The following RAB31 variants were observed in gnomAD, a reference collection of about 807,000 sequenced individuals.
The protein encoded by RAB31 is ras-related protein Rab-31.
RAB31 carries 21 observed loss-of-function variants against 25.6 expected under a neutral mutation model. The observed-to-expected ratio is 0.82, with a 90% CI of 0.58 to 1.18. RAB31 has a LOEUF of 1.18. Among genes scored for constraint, RAB31 ranks in the 50% most tolerant of loss-of-function variants. The probability of loss-of-function intolerance (pLI) is 0.00; values close to 1 mark genes in which losing one functional copy is unlikely to be tolerated. For missense variants in RAB31, 196 were observed against 250.1 expected, an observed-to-expected ratio of 0.78 and a Z score of 1.46; for synonymous variants, 87 against 84.0, an observed-to-expected ratio of 1.04 and a Z score of -0.20.
intron 3 of RAB31, among the ~76,000 whole-genome samples, chr18:9,793,038 GCA>G (rs2068469222): frequency 3.9e-5 from 6 of 152,198 alleles, no homozygotes. Context: ...ACGAATACTA[GCA>G]CAGTGTCTAT....
intron 1 of RAB31, among the ~76,000 whole-genome samples, chr18:9,748,237 C>T (rs1458523558): frequency 1.3e-5 from 2 of 152,086 alleles, no homozygotes; most frequent in Non-Finnish European, 2.9e-5. Flanking sequence ...TGGCTCAAGC[C>T]TGTAATCTCA....
rs952265201 is a variant in RAB31, at chr18:9,779,732, T to C, written c.119+4375T>C. 2.6e-5 allele frequency among the ~76,000 whole-genome samples: 4 copies of C among 152,184 alleles called. No homozygotes were observed. In the East Asian group the frequency reaches 7.7e-4, roughly 29 times the overall value. On this transcript the variant is annotated intron_variant, in intron 2 of 6. Coordinates refer to ENST00000578921, the MANE Select transcript of RAB31 (RefSeq NM_006868.4). The stretch of plus-strand genomic sequence containing the variant: ...TCACAACCCTTACCTCACCCCTCCT[T>C]TGGGCTTAAGCCAAGCTGGTTGGGT...
intron 1 of RAB31, among the ~76,000 whole-genome samples, chr18:9,727,329 T>G (rs2068100472): frequency 6.6e-6 from 1 of 152,216 alleles, no homozygotes; most frequent in East Asian, 1.9e-4. Flanking sequence ...TGCTTTGTTT[T>G]GTTTAGAGAC....
intron 2 of RAB31, among the ~76,000 whole-genome samples, chr18:9,784,028 G>T (rs1407572039): frequency 6.6e-6 from 1 of 152,030 alleles, no homozygotes; most frequent in Non-Finnish European, 1.5e-5. Flanking sequence ...GCTTATTTAT[G>T]TATTTTTATA....
intron 5 of RAB31, among the ~76,000 whole-genome samples, chr18:9,834,190 C>T (rs962749759): frequency 8.7e-4 from 132 of 152,194 alleles, no homozygotes; most frequent in African/African-American, 3.1e-3. Flanking sequence ...ATCTTGGCTC[C>T]CTGCAACCTG....
At chr18:9,740,439 C>T (rs543809489) in intron 1 of RAB31, among the ~76,000 whole-genome samples, 13 of 152,162 alleles carry the variant, frequency 8.5e-5, no homozygotes, top group African/African-American at 2.9e-4. Context: ...TTTGGCTGGA[C>T]GTGGTGGCTC....
chr18:9,738,807 C>T (rs2145470402), intron 1 of RAB31, among the ~76,000 whole-genome samples: 1 of 152,316 alleles, frequency 6.6e-6, no homozygotes, highest in South Asian at 2.1e-4. Context: ...TTGTGCTAGG[C>T]CTCTGGAGTA....
intron 2 of RAB31, chr18:9,787,725 A>T (rs2068440788): frequency 6.5e-6 from 1 of 153,102 alleles, no homozygotes; most frequent in South Asian, 2.1e-4. Context: ...GAGTTCAAGC[A>T]TTAATTGACA....
At chr18:9,709,917 T>G (rs1197046950) in intron 1 of RAB31, among the ~76,000 whole-genome samples, 1 of 152,288 alleles carries the variant, frequency 6.6e-6, no homozygotes, top group East Asian at 1.9e-4. Flanking sequence ...TTCAGAGACT[T>G]AGAAGGAATG....
chr18:9,719,624 C>T (rs940046059), intron 1 of RAB31, among the ~76,000 whole-genome samples: 4 of 151,838 alleles, frequency 2.6e-5, no homozygotes, highest in East Asian at 3.9e-4. Context: ...GTTCGGAGGA[C>T]GGCTTTATAT....
chr18:9,729,988 A>G (rs2068114609), intron 1 of RAB31, among the ~76,000 whole-genome samples: 1 of 152,186 alleles, frequency 6.6e-6, no homozygotes, highest in Admixed American at 6.5e-5. Context: ...TATGTGGTAA[A>G]TACGTGGTAG....
rs1309030896 is a variant in RAB31, at chr18:9,860,197, G to GGT, written c.*875_*876dup. 6.6e-6 allele frequency: 1 copy of GGT among 152,058 alleles called. No individual in the cohort carries two copies. Among genetic ancestry groups the GGT allele is most frequent in the African/African-American group, 2.4e-5 (1 of 41,394 alleles). 9.4% of individuals were successfully genotyped at this position (152,058 alleles called of 1,614,324 possible). On this transcript the variant is annotated 3_prime_UTR_variant, in exon 7 of 7. Transcript: ENST00000578921. The stretch of plus-strand genomic sequence containing the variant: ...TTATTTTACTAAGAGAATATCTCTT[G>GGT]GTGTCATATCTAGGGGAAGAGAATT...
Position 9,859,229 on chromosome 18 carries a change from C to T in RAB31, c.492C>T (p.Ser164=), listed in dbSNP as rs369838987. Residue 164 remains serine, a splice_region_variant and synonymous_variant, in exon 7 of 7, where the codon AGC becomes AGT. Coordinates refer to ENST00000578921, the MANE Select transcript of RAB31 (RefSeq NM_006868.4). ...INIEELFQGI[S]RQIPPLDPHE... ...CCCTTGGCCTCCTTTTTGTTGCAGGCCGCCAGATCCCACCCTTGGACCCCC... is the reference window on the plus strand; with the variant it reads ...CCCTTGGCCTCCTTTTTGTTGCAGGTCGCCAGATCCCACCCTTGGACCCCC... 4.3e-6 allele frequency: 7 copies of T among 1,612,516 alleles called. No individual in the cohort carries two copies. The highest frequency in any genetic ancestry group is 5.9e-6 in the Non-Finnish European group (7 of 1,178,696).
rs576890379 is a variant in RAB31 at position 9,795,836 on chromosome 18, A to G, written c.201+3601A>G. On this transcript the variant is annotated intron_variant, in intron 3 of 6. Coordinates refer to ENST00000578921, the MANE Select transcript of RAB31 (RefSeq NM_006868.4). ...GGAAAACAGTATGGAGATTCCTTAA[A>G]GAACTAAAAGTAGATCTACCATTTG... Among the ~76,000 whole-genome samples, 163 of 152,360 alleles carry G rather than the reference A, an allele frequency of 1.1e-3. 1 individual carries two copies. The Middle Eastern group carries it at 0.027, about 25-fold the overall frequency.
chr18:9,718,450 G>C (rs1256490383), intron 1 of RAB31, among the ~76,000 whole-genome samples: 1 of 151,618 alleles, frequency 6.6e-6, no homozygotes, highest in African/African-American at 2.4e-5. Context: ...GTAGAGATGG[G>C]GTTTCACTAT....
In RAB31 at chr18:9,832,529, C is replaced by T. The variant is rs115640163; in HGVS notation, c.381-13053C>T. On this transcript the variant is annotated intron_variant, in intron 5 of 6. Coordinates refer to ENST00000578921, the MANE Select transcript of RAB31 (RefSeq NM_006868.4). ...ACGAGACGGAAGCAACGCTTGCAGG[C>T]GAAGGAGGAGAAGAAGGAAAGGCCA... Among the ~76,000 whole-genome samples, 1,172 of 152,276 alleles carry T rather than the reference C, an allele frequency of 7.7e-3. 15 individuals are homozygous for T. Among genetic ancestry groups the T allele is most frequent in the African/African-American group, 0.027 (1,113 of 41,554 alleles).
intron 1 of RAB31, among the ~76,000 whole-genome samples, chr18:9,716,598 T>C (rs1458887830): frequency 2.0e-5 from 3 of 152,140 alleles, no homozygotes; most frequent in South Asian, 2.1e-4. Context: ...GATGGAGGCG[T>C]CTGCCTCTTA....
At chr18:9,799,572 T>C (rs114691618) in intron 3 of RAB31, among the ~76,000 whole-genome samples, 2,551 of 152,212 alleles carry the variant, frequency 0.017, 65 homozygotes, top group African/African-American at 0.058. Context: ...TCATAGCTCA[T>C]TGTAGTCTCA....
At chr18:9,724,405 C>G (rs1362752538) in intron 1 of RAB31, among the ~76,000 whole-genome samples, 1 of 151,618 alleles carries the variant, frequency 6.6e-6, no homozygotes, top group African/African-American at 2.4e-5. Context: ...CGCTTTGCTT[C>G]TGACTTGTTA....
Sources: gnomAD v4.1 joint callset for allele counts (sites outside exome capture counted in the v4.1 genomes callset) on GRCh38, gnomAD v4.1.1 for gene constraint, MANE v1.5 for transcripts, NCBI Gene and HGNC (gene_info 2026-07-23, HGNC 2026-07-21) for gene names.